GALNTL6: variants seen among roughly 807,000 people sequenced by gnomAD.
GALNTL6 encodes polypeptide N-acetylgalactosaminyltransferase-like 6.
In GALNTL6, 46 loss-of-function variants were observed where a neutral mutation model predicts 73.7. The observed-to-expected ratio is 0.62, with a 90% CI of 0.49 to 0.80. The LOEUF (loss-of-function observed/expected upper bound fraction) is 0.80, where lower values mean the gene tolerates loss of function less well. GALNTL6 is among the 30% of genes least tolerant of loss of function. GALNTL6 has a pLI of 0.00. For missense variants in GALNTL6, 604 were observed against 755.0 expected, an observed-to-expected ratio of 0.80 and a Z score of 2.34; for synonymous variants, 259 against 263.7, an observed-to-expected ratio of 0.98 and a Z score of 0.17.
chr4:172,848,585 C>G (rs1208757447), intron 7 of GALNTL6, among the ~76,000 whole-genome samples: 1 of 152,152 alleles, frequency 6.6e-6, no homozygotes, highest in Non-Finnish European at 1.5e-5. Flanking sequence ...TTCTTTGGCT[C>G]TCTGAGCAAG....
At chr4:171,945,717 A>T (rs1338344841) in intron 2 of GALNTL6, among the ~76,000 whole-genome samples, 4 of 152,176 alleles carry the variant, frequency 2.6e-5, no homozygotes, top group Non-Finnish European at 5.9e-5. Flanking sequence ...ACATGCATAC[A>T]TTATGATAAA....
At chr4:172,646,864 A>AT (rs1740266037) in intron 5 of GALNTL6, among the ~76,000 whole-genome samples, 1 of 152,066 alleles carries the variant, frequency 6.6e-6, no homozygotes, top group Non-Finnish European at 1.5e-5. Context: ...CTGAAAAAGA[A>AT]TTTTTTCTAG....
intron 5 of GALNTL6, among the ~76,000 whole-genome samples, chr4:172,758,137 A>C (rs755773353): frequency 4.6e-5 from 7 of 152,248 alleles, no homozygotes; most frequent in Non-Finnish European, 8.8e-5. Context: ...ATGTACACAT[A>C]AACATCTATA....
intron 4 of GALNTL6, among the ~76,000 whole-genome samples, chr4:172,336,608 A>G (rs868609457): frequency 6.6e-6 from 1 of 151,876 alleles, no homozygotes; most frequent in Non-Finnish European, 1.5e-5. Flanking sequence ...GTCCAAAGGT[A>G]TGGTTGGTAT....
chr4:172,812,108 C>T (rs1040284057), intron 6 of GALNTL6, among the ~76,000 whole-genome samples: 7 of 151,720 alleles, frequency 4.6e-5, no homozygotes, highest in African/African-American at 1.7e-4. Context: ...GCATATAGAC[C>T]GAGAGGGGAA....
rs191188515 is a variant in GALNTL6 at position 172,482,636 on chromosome 4, G to A, written c.553+133947G>A. Among the ~76,000 whole-genome samples, 118 of 152,322 alleles carry A rather than the reference G, an allele frequency of 7.7e-4. 2 individuals carry two copies. The South Asian group carries it at 0.016, about 21-fold the overall frequency. ...AAAATGCCACAAGTTAAATACACTA[G>A]ACTCTCAACATTTAGGATTAACTTT... On this transcript the variant is annotated intron_variant, in intron 5 of 12. Transcript: ENST00000506823.
intron 9 of GALNTL6, among the ~76,000 whole-genome samples, chr4:172,950,840 C>T (rs938839611): frequency 3.3e-5 from 5 of 152,156 alleles, no homozygotes; most frequent in African/African-American, 4.8e-5. Flanking sequence ...GGTCAATGCT[C>T]GCACCAACTG....
intron 5 of GALNTL6, among the ~76,000 whole-genome samples, chr4:172,416,230 C>A (rs1354242410): frequency 1.3e-5 from 2 of 152,134 alleles, no homozygotes; most frequent in Non-Finnish European, 2.9e-5. Flanking sequence ...TAGTATAGGT[C>A]TCCTTAACAC....
intron 2 of GALNTL6, among the ~76,000 whole-genome samples, chr4:172,074,089 GAAGT>G (rs1731633035): frequency 6.6e-6 from 1 of 152,140 alleles, no homozygotes; most frequent in African/African-American, 2.4e-5. Context: ...CAATAACGTG[GAAGT>G]AAGAACCACA....
chr4:172,326,223 A>T (rs1417461869), intron 4 of GALNTL6, among the ~76,000 whole-genome samples: 1 of 152,016 alleles, frequency 6.6e-6, no homozygotes, highest in Non-Finnish European at 1.5e-5. Flanking sequence ...CTATGTTTAT[A>T]AAAAGAGAAA....
At chr4:172,484,254 G>T (rs1291748584) in intron 5 of GALNTL6, among the ~76,000 whole-genome samples, 2 of 152,136 alleles carry the variant, frequency 1.3e-5, no homozygotes, top group Non-Finnish European at 2.9e-5. Context: ...CACAAATATT[G>T]TCCATTCACG....
At chr4:172,901,209 T>C (rs1466911960) in intron 8 of GALNTL6, among the ~76,000 whole-genome samples, 1 of 152,166 alleles carries the variant, frequency 6.6e-6, no homozygotes, top group Non-Finnish European at 1.5e-5. Context: ...TATCGTTTGC[T>C]GACCCTGGGG....
chr4:172,328,123 C>T (rs972912362), intron 4 of GALNTL6, among the ~76,000 whole-genome samples: 2 of 152,034 alleles, frequency 1.3e-5, no homozygotes, highest in African/African-American at 4.8e-5. Context: ...GAAAAATGAT[C>T]TCATTTCTCT....
intron 2 of GALNTL6, among the ~76,000 whole-genome samples, chr4:171,974,557 A>G (rs1739663270): frequency 6.6e-6 from 1 of 152,230 alleles, no homozygotes; most frequent in South Asian, 2.1e-4. Flanking sequence ...GATTTTCCAC[A>G]TATTGGACAC....
chr4:172,535,005 G>A (rs756850167), intron 5 of GALNTL6, among the ~76,000 whole-genome samples: 11 of 152,202 alleles, frequency 7.2e-5, no homozygotes, highest in Admixed American at 3.9e-4. Context: ...AGTCAGTGGA[G>A]TTCATGGGTT....
chr4:172,789,019 T>A (rs763530500), intron 5 of GALNTL6, among the ~76,000 whole-genome samples: 5 of 152,088 alleles, frequency 3.3e-5, no homozygotes, highest in African/African-American at 4.8e-5. Context: ...ATAGAAGACA[T>A]CTGTGACGAA....
chr4:172,100,861 G>A (rs1212782251), intron 2 of GALNTL6, among the ~76,000 whole-genome samples: 1 of 152,034 alleles, frequency 6.6e-6, no homozygotes, highest in East Asian at 1.9e-4. Context: ...GGGAACTTAC[G>A]AGTCCTAGCT....
chr4:172,385,350 T>C (rs1743428601), intron 5 of GALNTL6, among the ~76,000 whole-genome samples: 1 of 152,098 alleles, frequency 6.6e-6, no homozygotes. Flanking sequence ...CTAGTTGTTC[T>C]ATTCATTGTT....
intron 2 of GALNTL6, among the ~76,000 whole-genome samples, chr4:171,849,078 A>G (rs867169066): frequency 1.3e-5 from 2 of 152,180 alleles, no homozygotes; most frequent in Non-Finnish European, 2.9e-5. Flanking sequence ...AACTTGGCCA[A>G]CTGGCACAAG....
Sources: allele counts gnomAD v4.1 joint callset (sites outside exome capture counted in the v4.1 genomes callset), GRCh38; gene constraint gnomAD v4.1.1; transcripts MANE v1.5; gene names NCBI Gene and HGNC (gene_info 2026-07-23, HGNC 2026-07-21).